The following TXNDC11 variants were observed in gnomAD, a reference collection of about 807,000 sequenced individuals.
The protein encoded by TXNDC11 is thioredoxin domain containing 11, also known as thioredoxin domain-containing protein 11.
TXNDC11 carries 68 observed loss-of-function variants against 78.0 expected under a neutral mutation model. That is an observed-to-expected ratio of 0.87 (90% CI 0.72 to 1.07). The LOEUF (loss-of-function observed/expected upper bound fraction) is 1.07. Among genes scored for constraint, TXNDC11 ranks in the 50% least tolerant of loss-of-function variants. The pLI is 0.00. For synonymous variants in TXNDC11, 571 were observed against 495.2 expected, an observed-to-expected ratio of 1.15 and a Z score of -2.03; for missense variants, 1,389 against 1,221.8, an observed-to-expected ratio of 1.14 and a Z score of -2.04.
chr16:11,708,626 A>G (rs1356529432), intron 5 of TXNDC11, among the ~76,000 whole-genome samples: 2 of 152,264 alleles, frequency 1.3e-5, no homozygotes, highest in African/African-American at 4.8e-5. Flanking sequence ...AAATGCTTAT[A>G]AAGGTAACTG....
rs756653348 is a variant in TXNDC11 at position 11,700,578 on chromosome 16, T to A, written c.794-14A>T. ...TTCCTAGGTAATCTGAAACAGAAAATTTTCCTTTATTAAAGAAAAGGCCTG... is the reference window on the plus strand; with the variant it reads ...TTCCTAGGTAATCTGAAACAGAAAAATTTCCTTTATTAAAGAAAAGGCCTG... On this transcript the variant is annotated splice_polypyrimidine_tract_variant and intron_variant, in intron 5 of 11. Transcript: ENST00000283033. The A allele has an allele frequency of 7.0e-7, 1 of 1,425,446 alleles. No individual in the cohort carries two copies. The highest frequency in any genetic ancestry group is 1.8e-5 in the Admixed American group (1 of 56,594). The allele number at this position is 1,425,446 out of a possible 1,614,324, so 88.3% of individuals were successfully genotyped here.
At chr16:11,712,744 G>A (rs1322278232) in intron 5 of TXNDC11, among the ~76,000 whole-genome samples, 1 of 151,878 alleles carries the variant, frequency 6.6e-6, no homozygotes, top group Admixed American at 6.6e-5. Context: ...CTTGAACCCA[G>A]GAGTTCAAGA....
At chr16:11,736,464 T>A (rs983112064) in intron 1 of TXNDC11, among the ~76,000 whole-genome samples, 1 of 152,158 alleles carries the variant, frequency 6.6e-6, no homozygotes, top group African/African-American at 2.4e-5. Flanking sequence ...GGAAGGGCAG[T>A]GGAGAGCAGA....
chr16:11,737,030 A>G (rs556313482), intron 1 of TXNDC11, among the ~76,000 whole-genome samples: 2 of 152,324 alleles, frequency 1.3e-5, no homozygotes, highest in African/African-American at 4.8e-5. Flanking sequence ...CTACACTCAC[A>G]TACCACAAAC....
chr16:11,712,859 G>A (rs1009762240), intron 5 of TXNDC11, among the ~76,000 whole-genome samples: 10 of 151,644 alleles, frequency 6.6e-5, no homozygotes, highest in African/African-American at 1.9e-4. Context: ...AGGCTGAGGT[G>A]GTTGGATCAC....
intron 1 of TXNDC11, among the ~76,000 whole-genome samples, chr16:11,737,264 G>A (rs1326424120): frequency 6.6e-6 from 1 of 151,776 alleles, no homozygotes; most frequent in Non-Finnish European, 1.5e-5. Context: ...TGGCCAACAT[G>A]GTGAAACCCT....
intron 5 of TXNDC11, among the ~76,000 whole-genome samples, chr16:11,708,733 A>T (rs1033720182): frequency 6.6e-6 from 1 of 152,240 alleles, no homozygotes; most frequent in Non-Finnish European, 1.5e-5. Context: ...TCCATGGGGA[A>T]ATTCTTCTCA....
intron 5 of TXNDC11, among the ~76,000 whole-genome samples, chr16:11,706,858 C>T (rs949655095): frequency 6.6e-6 from 1 of 152,140 alleles, no homozygotes; most frequent in Non-Finnish European, 1.5e-5. Context: ...ACAGCTGACC[C>T]TTGAACAACA....
At chr16:11,727,623 G>A in intron 4 of TXNDC11, among the ~76,000 whole-genome samples, 1 of 152,006 alleles carries the variant, frequency 6.6e-6, no homozygotes, top group Non-Finnish European at 1.5e-5. Context: ...CAGCTCTACT[G>A]ATGACACTCT....
intron 5 of TXNDC11, among the ~76,000 whole-genome samples, chr16:11,705,585 T>C (rs777886138): frequency 1.2e-4 from 19 of 152,214 alleles, no homozygotes; most frequent in Non-Finnish European, 2.4e-4. Flanking sequence ...AAATAAGAAG[T>C]GACAGCCTGA....
chr16:11,692,993 G>C (rs2050762309), intron 7 of TXNDC11, among the ~76,000 whole-genome samples: 1 of 152,176 alleles, frequency 6.6e-6, no homozygotes, highest in Non-Finnish European at 1.5e-5. Flanking sequence ...GGAAGAGCTA[G>C]TTTTTGCACC....
intron 8 of TXNDC11, among the ~76,000 whole-genome samples, chr16:11,689,585 C>G (rs1405354047): frequency 2.0e-5 from 3 of 152,106 alleles, no homozygotes; most frequent in African/African-American, 7.2e-5. Context: ...AACAGCTAGG[C>G]TAAACATTTC....
intron 5 of TXNDC11, among the ~76,000 whole-genome samples, chr16:11,705,467 C>T (rs1295638538): frequency 2.0e-5 from 3 of 152,172 alleles, no homozygotes; most frequent in Admixed American, 1.3e-4. Context: ...CCAGAAGCAG[C>T]TGATCTTGGA....
At chr16:11,721,105 C>G (rs571863420) in intron 5 of TXNDC11, among the ~76,000 whole-genome samples, 2 of 152,052 alleles carry the variant, frequency 1.3e-5, no homozygotes, top group South Asian at 4.2e-4. Context: ...ACAGTATTTC[C>G]TGTTTGCTAA....
Position 11,742,521 on chromosome 16 carries a change from C to A in TXNDC11, c.210G>T (p.Val70=). The A allele has an allele frequency of 6.9e-7, 1 of 1,457,784 alleles. No individual in the cohort carries two copies. The highest frequency in any genetic ancestry group is 1.3e-5 in the South Asian group (1 of 75,256). 90.3% of individuals were successfully genotyped at this position (1,457,784 alleles called of 1,614,324 possible). A position where few individuals can be genotyped will look rare whatever the true frequency, so the allele number is the denominator to read the frequency against. Residue 70 remains valine, a synonymous_variant, in exon 1 of 12, where the codon GTG becomes GTT. Coordinates refer to ENST00000283033, the MANE Select transcript of TXNDC11 (RefSeq NM_015914.7). ...RQRPELLCGA[V]ALGCALLLAL... The stretch of plus-strand genomic sequence containing the variant: ...CGAGGAGCAGCGCGCAGCCGAGCGC[C>A]ACGGCCCCGCAGAGCAGCTCCGGCC...
chr16:11,720,740 GT>G (rs879684101), intron 5 of TXNDC11, among the ~76,000 whole-genome samples: 25 of 132,696 alleles, frequency 1.9e-4, no homozygotes, highest in East Asian at 2.2e-4. Context: ...TATATATATG[GT>G]TTTTTTTTTT....
At position 11,682,715 on chromosome 16, in the gene TXNDC11, G is replaced by A. The variant is rs893500387; in HGVS notation, c.2234+1450C>T. Among the ~76,000 whole-genome samples the A allele has an allele frequency of 7.2e-5, 11 of 152,138 alleles. No individual in the cohort carries two copies. The East Asian group carries it at 2.1e-3, about 29-fold the overall frequency. On this transcript the variant is annotated intron_variant, in intron 11 of 11. Transcript: ENST00000283033. ...TGAAAGTGTTAGTGTTACTGTCCGT[G>A]ATTCCTGGACTATGTGGTAATTTAA...
At chr16:11,717,770 G>A (rs1405546327) in intron 5 of TXNDC11, among the ~76,000 whole-genome samples, 3 of 151,574 alleles carry the variant, frequency 2.0e-5, no homozygotes, top group Non-Finnish European at 2.9e-5. Flanking sequence ...GCAGTGAGCA[G>A]AGATTTCGCC....
intron 5 of TXNDC11, among the ~76,000 whole-genome samples, 168 bp from the exon 6 acceptor site, chr16:11,700,732 G>A (rs751604030): frequency 3.3e-5 from 5 of 152,132 alleles, no homozygotes; most frequent in African/African-American, 9.7e-5. Flanking sequence ...TCCTGAAACC[G>A]ACCTCGGCCC....
Sources: allele counts gnomAD v4.1 joint callset (sites outside exome capture counted in the v4.1 genomes callset), GRCh38; gene constraint gnomAD v4.1.1; transcripts MANE v1.5; gene names NCBI Gene and HGNC (gene_info 2026-07-23, HGNC 2026-07-21).